Variants in NDUFS4 observed in about 807,000 individuals in gnomAD.
NDUFS4 encodes the protein NADH dehydrogenase [ubiquinone] iron-sulfur protein 4, mitochondrial.
A neutral mutation model predicts 24.3 loss-of-function variants in NDUFS4; 28 were observed. The observed-to-expected ratio is 1.15, with a 90% CI of 0.85 to 1.58. NDUFS4 has a LOEUF of 1.58. Among genes scored for constraint, NDUFS4 ranks in the 40% most tolerant of loss-of-function variants. The pLI, the probability that NDUFS4 is intolerant of heterozygous loss-of-function variation, is 0.00. For missense variants in NDUFS4, 223 were observed against 207.9 expected, an observed-to-expected ratio of 1.07 and a Z score of -0.45; for synonymous variants, 93 against 69.7, an observed-to-expected ratio of 1.34 and a Z score of -1.67.
intron 4 of NDUFS4, among the ~76,000 whole-genome samples, chr5:53,673,608 C>G (rs1213013616): frequency 6.6e-6 from 1 of 152,138 alleles, no homozygotes; most frequent in African/African-American, 2.4e-5. Flanking sequence ...CTTTCTGGCA[C>G]AATCAGTCAC....
chr5:53,670,501 T>G (rs1190877692), intron 4 of NDUFS4, among the ~76,000 whole-genome samples: 1 of 150,864 alleles, frequency 6.6e-6, no homozygotes, highest in Non-Finnish European at 1.5e-5. Flanking sequence ...CGAAGTAAAA[T>G]ATTATAAAAA....
chr5:53,566,314 A>G (rs895174885), intron 1 of NDUFS4, among the ~76,000 whole-genome samples: 8 of 152,214 alleles, frequency 5.3e-5, no homozygotes, highest in Admixed American at 2.6e-4. Context: ...AATACAAACA[A>G]TTTCAAATGG....
chr5:53,601,387 TTAAAG>T (rs1750319037), intron 1 of NDUFS4, among the ~76,000 whole-genome samples: 1 of 152,188 alleles, frequency 6.6e-6, no homozygotes, highest in Admixed American at 6.5e-5. Flanking sequence ...AAACCTATCC[TTAAAG>T]TAAATTATAT....
In NDUFS4 at chr5:53,567,454, A is replaced by AT. The variant is rs1300560565; in HGVS notation, c.98+6700dup. ...AGTTGTTTACTTTTTTAAGCTAATGATTTTTTCCCCTAAATTTTGTAATTA... is the reference window on the plus strand; with the variant it reads ...AGTTGTTTACTTTTTTAAGCTAATGATTTTTTTCCCCTAAATTTTGTAATTA... On this transcript the variant is annotated intron_variant, in intron 1 of 4. Transcript: ENST00000296684. 3.9e-5 allele frequency among the ~76,000 whole-genome samples: 6 copies of AT among 151,980 alleles called. No homozygotes were observed. In the East Asian group the frequency reaches 7.7e-4, roughly 20 times the overall value.
chr5:53,657,337 G>A (rs2112520284), intron 3 of NDUFS4, among the ~76,000 whole-genome samples: 1 of 152,192 alleles, frequency 6.6e-6, no homozygotes, highest in East Asian at 1.9e-4. Flanking sequence ...CAAAGGGTAG[G>A]GGTGGGTTAT....
At chr5:53,665,767 C>G (rs566605761) in intron 4 of NDUFS4, among the ~76,000 whole-genome samples, 2 of 152,242 alleles carry the variant, frequency 1.3e-5, no homozygotes, top group Non-Finnish European at 2.9e-5. Flanking sequence ...TGACCCCTTG[C>G]GCTTCCTGGG....
At chr5:53,663,854 T>G (rs1752424558) in intron 4 of NDUFS4, among the ~76,000 whole-genome samples, 1 of 152,192 alleles carries the variant, frequency 6.6e-6, no homozygotes, top group African/African-American at 2.4e-5. Flanking sequence ...TATTGTTATG[T>G]GTGAATTTGA....
At chr5:53,616,216 A>G (rs1750834059) in intron 2 of NDUFS4, among the ~76,000 whole-genome samples, 1 of 138,068 alleles carries the variant, frequency 7.2e-6, no homozygotes, top group Non-Finnish European at 1.6e-5. Flanking sequence ...TCATTCATTC[A>G]ATTTTTTTTT....
chr5:53,579,240 T>G (rs1272583674), intron 1 of NDUFS4, among the ~76,000 whole-genome samples: 1 of 152,230 alleles, frequency 6.6e-6, no homozygotes, highest in Non-Finnish European at 1.5e-5. Context: ...AGAGTTTGAT[T>G]TATACCTTTT....
intron 2 of NDUFS4, among the ~76,000 whole-genome samples, chr5:53,630,208 C>T (rs563680649): frequency 2.6e-4 from 39 of 152,304 alleles, no homozygotes; most frequent in African/African-American, 9.4e-4. Flanking sequence ...AATATTGACC[C>T]CTACTCTCTT....
chr5:53,603,594 A>G, intron 2 of NDUFS4, 64 bp downstream of exon 2: 1 of 1,272,440 alleles, frequency 7.9e-7, no homozygotes, highest in Non-Finnish European at 1.1e-6. Context: ...TACTATAGAT[A>G]TTCAGTATGG....
intron 4 of NDUFS4, among the ~76,000 whole-genome samples, chr5:53,669,618 G>T (rs980799514): frequency 6.6e-6 from 1 of 151,646 alleles, no homozygotes; most frequent in African/African-American, 2.4e-5. Context: ...TACCTTTTTT[G>T]TACTGCACTC....
intron 4 of NDUFS4, among the ~76,000 whole-genome samples, chr5:53,659,493 G>C (rs1752266809): frequency 6.6e-6 from 1 of 152,094 alleles, no homozygotes; most frequent in Non-Finnish European, 1.5e-5. Context: ...CTCATGAAGT[G>C]GGTGATAGCT....
intron 4 of NDUFS4, among the ~76,000 whole-genome samples, chr5:53,662,535 T>A (rs1030143596): frequency 2.3e-4 from 35 of 152,298 alleles, no homozygotes; most frequent in Non-Finnish European, 3.5e-4. Flanking sequence ...GGATTCCTTC[T>A]TTTTCTATTG....
chr5:53,655,091 A>G (rs925317126), intron 3 of NDUFS4, among the ~76,000 whole-genome samples: 2 of 152,210 alleles, frequency 1.3e-5, no homozygotes, highest in Non-Finnish European at 2.9e-5. Flanking sequence ...TCTAAAATCA[A>G]CCTTGGAAAT....
chr5:53,589,449 A>T (rs1024328716), intron 1 of NDUFS4, among the ~76,000 whole-genome samples: 3 of 152,226 alleles, frequency 2.0e-5, no homozygotes, highest in Non-Finnish European at 4.4e-5. Context: ...ACTGGGATGT[A>T]GGAAAAGAGG....
chr5:53,645,199 T>A (rs1358563767), intron 2 of NDUFS4, among the ~76,000 whole-genome samples: 1 of 152,138 alleles, frequency 6.6e-6, no homozygotes, highest in Admixed American at 6.5e-5. Context: ...TTAAAATGCT[T>A]CATTAATAAG....
At chr5:53,623,170 G>A (rs1343353228) in intron 2 of NDUFS4, among the ~76,000 whole-genome samples, 1 of 152,086 alleles carries the variant, frequency 6.6e-6, no homozygotes, top group Non-Finnish European at 1.5e-5. Context: ...GTTATTATAC[G>A]TTGAGCATTT....
At chr5:53,640,061 T>A (rs1207423445) in intron 2 of NDUFS4, among the ~76,000 whole-genome samples, 1 of 151,880 alleles carries the variant, frequency 6.6e-6, no homozygotes, top group African/African-American at 2.4e-5. Context: ...GAACAAAACA[T>A]CCATTTCTGT....
Sources: gnomAD v4.1 joint callset for allele counts (sites outside exome capture counted in the v4.1 genomes callset) on GRCh38, gnomAD v4.1.1 for gene constraint, MANE v1.5 for transcripts, NCBI Gene and HGNC (gene_info 2026-07-23, HGNC 2026-07-21) for gene names.